ABCC5: variants seen among roughly 807,000 people sequenced by gnomAD.
ABCC5 encodes the protein ATP-binding cassette sub-family C member 5.
ABCC5 carries 61 observed loss-of-function variants against 160.9 expected under a neutral mutation model. The ratio of observed to expected loss-of-function variants is 0.38; its 90% confidence interval spans 0.31 to 0.47. The LOEUF is 0.47. Among genes scored for constraint, ABCC5 ranks in the 20% least tolerant of loss-of-function variants. The probability of loss-of-function intolerance (pLI) is 0.99; values close to 1 mark genes in which losing one functional copy is unlikely to be tolerated. For synonymous variants in ABCC5, 666 were observed against 700.6 expected, an observed-to-expected ratio of 0.95 and a Z score of 0.78; for missense variants, 1,308 against 1,813.3, an observed-to-expected ratio of 0.72 and a Z score of 5.06.
At chr3:183,972,934 C>CCTTCTAACAATCCT (rs1717895150) in intron 10 of ABCC5, among the ~76,000 whole-genome samples, 1 of 152,108 alleles carries the variant, frequency 6.6e-6, no homozygotes, top group Non-Finnish European at 1.5e-5. Flanking sequence ...GCGTGAGCCA[C>CCTTCTAACAATCCT]CGCACCCAGC....
rs1257063970 is a variant in ABCC5, at chr3:183,949,915, T to C, written c.3099-34A>G. 6.8e-6 allele frequency: 11 copies of C among 1,613,940 alleles called. No homozygotes were observed. The highest frequency in any genetic ancestry group is 9.3e-6 in the Non-Finnish European group (11 of 1,179,958). On this transcript the variant is annotated intron_variant, in intron 21 of 29. Coordinates refer to ENST00000334444, the MANE Select transcript of ABCC5 (RefSeq NM_005688.4). This position sits in a 1 kb window ranked among gnomAD's most constrained non-coding sequence, Gnocchi z 4.2. The stretch of plus-strand genomic sequence containing the variant: ...AGAATGAGCTCCGTGTCACAGCACC[T>C]ACCCAGCAACTGAGGCTTCTCCGTG...
At chr3:183,947,290 A>C in intron 23 of ABCC5, 34 bp downstream of exon 23, 1 of 1,549,128 alleles carries the variant, frequency 6.5e-7, no homozygotes, top group Non-Finnish European at 8.7e-7. Flanking sequence ...GGGCTCAAAC[A>C]AGCAAAGATG....
chr3:183,995,380 T>A (rs1720184282), intron 2 of ABCC5, among the ~76,000 whole-genome samples: 1 of 152,200 alleles, frequency 6.6e-6, no homozygotes, highest in Admixed American at 6.5e-5. Context: ...GTCATGAAGA[T>A]TTTCTCCTAT....
rs936619812 is a variant in ABCC5, at chr3:183,987,382, C to T, written c.591+388G>A. 14 of 451,492 alleles carry T rather than the reference C, an allele frequency of 3.1e-5. No individual in the cohort carries two copies. The highest frequency in any genetic ancestry group is 1.2e-4 in the African/African-American group (6 of 51,258). The allele number at this position is 451,492 out of a possible 1,614,324, so 28.0% of individuals were successfully genotyped here. A position where few individuals can be genotyped will look rare whatever the true frequency, so the allele number is the denominator to read the frequency against. ...AACATGTGATAACTGCCTCCAGGCA[C>T]TTGGTATGTTCCCGGTGCTGGCTCA... On this transcript the variant is annotated intron_variant, in intron 5 of 29. Transcript: ENST00000334444. This position sits in a 1 kb window ranked among gnomAD's most constrained non-coding sequence, Gnocchi z 4.2.
At chr3:184,001,259 TA>T in intron 2 of ABCC5, 2 of 529,534 alleles carry the variant, frequency 3.8e-6, no homozygotes, top group Admixed American at 3.0e-5. Context: ...ACTCTAAAAA[TA>T]AAAAGTAAAA....
intron 1 of ABCC5, among the ~76,000 whole-genome samples, chr3:184,015,129 A>C (rs1033049043): frequency 2.0e-5 from 3 of 152,240 alleles, no homozygotes; most frequent in Non-Finnish European, 4.4e-5. Flanking sequence ...TAAAAGAGTG[A>C]ATTTCATGTC....
In ABCC5 at chr3:183,978,553, C is replaced by T. The variant is rs777504843; in HGVS notation, c.1246G>A (p.Val416Met). ...APIVVVIASV[V>M]TFSVHMTLGF... ...AGGGTCATATGAACAGAGAAGGTCA[C>T]CACGCTGGCAATCACCACCACAATG... The change falls in exon 9 of 30, where the codon GTG becomes ATG. Residue 416 changes from valine (V) to methionine (M), a missense_variant. Transcript: ENST00000334444. 3 of 1,614,052 alleles carry T rather than the reference C, an allele frequency of 1.9e-6. No homozygotes were observed. In the Admixed American group the frequency reaches 5.0e-5, roughly 27 times the overall value.
chr3:183,973,793 T>G (rs1717979103), intron 10 of ABCC5, among the ~76,000 whole-genome samples: 1 of 152,220 alleles, frequency 6.6e-6, no homozygotes, highest in Non-Finnish European at 1.5e-5. Flanking sequence ...AAGAGTAACA[T>G]GCCAAACATT....
At chr3:183,974,338 C>T (rs1458703527) in intron 10 of ABCC5, among the ~76,000 whole-genome samples, 1 of 152,142 alleles carries the variant, frequency 6.6e-6, no homozygotes, top group African/African-American at 2.4e-5. Context: ...GACAGGATCT[C>T]ACTCTGTCAC....
At position 183,981,831 on chromosome 3, in the gene ABCC5, A is replaced by G; in HGVS notation, c.1043T>C (p.Val348Ala). ...RLTAYFRRKC[V>A]AATDERVQKM... Reference sequence around the variant, plus strand: ...CTGGACACGTTCATCCGTGGCGGCCACGCATTTTCTCCTGAAATATGCTGT... The same window carrying G: ...CTGGACACGTTCATCCGTGGCGGCCGCGCATTTTCTCCTGAAATATGCTGT... The change falls in exon 8 of 30, where the codon GTG (valine) becomes GCG (alanine). Residue 348 changes from valine to alanine, a missense_variant. Val to Ala is a moderately conservative substitution (Grantham distance 64). Coordinates refer to ENST00000334444, the MANE Select transcript of ABCC5 (RefSeq NM_005688.4). The G allele has an allele frequency of 6.2e-7, 1 of 1,611,230 alleles. No homozygotes were observed. Among genetic ancestry groups the G allele is most frequent in the Non-Finnish European group, 8.5e-7 (1 of 1,179,280 alleles).
chr3:184,016,548 G>A (rs1274548993), intron 1 of ABCC5, among the ~76,000 whole-genome samples: 2 of 152,194 alleles, frequency 1.3e-5, no homozygotes, highest in South Asian at 4.1e-4. Context: ...CCCCAGGCCA[G>A]CCATTTTACT....
chr3:183,989,459 G>C, intron 2 of ABCC5, 76 bp from the exon 3 acceptor site: 1 of 1,483,802 alleles, frequency 6.7e-7, no homozygotes, highest in Non-Finnish European at 9.2e-7. Context: ...TGATGAAACA[G>C]CTCAAACTGC....
rs368115506 is a variant in ABCC5 at position 183,961,675 on chromosome 3, A to G, written c.2236-21T>C. 4.3e-6 allele frequency: 7 copies of G among 1,613,780 alleles called. No individual in the cohort carries two copies. In the African/African-American group the frequency reaches 9.3e-5, roughly 22 times the overall value. ...AGGTACTGAAGGCAAAGGCAGAGACAACACAATATGCTGTTTGTGCAAATA... is the reference window on the plus strand; with the variant it reads ...AGGTACTGAAGGCAAAGGCAGAGACGACACAATATGCTGTTTGTGCAAATA... On this transcript the variant is annotated intron_variant, in intron 15 of 29. Transcript: ENST00000334444.
intron 26 of ABCC5, among the ~76,000 whole-genome samples, chr3:183,931,375 G>A (rs1713170878): frequency 6.8e-6 from 1 of 146,776 alleles, no homozygotes; most frequent in Non-Finnish European, 1.5e-5. Context: ...CACCCAGGCT[G>A]GAGTGCAGTG....
At chr3:183,975,317 C>T (rs1718114927) in intron 10 of ABCC5, among the ~76,000 whole-genome samples, 1 of 152,006 alleles carries the variant, frequency 6.6e-6, no homozygotes, top group Non-Finnish European at 1.5e-5. Context: ...GCTTAGAGTT[C>T]GGGAGGAATT....
chr3:183,945,971 A>G (rs1274204961), intron 23 of ABCC5, 32 bp from the exon 24 acceptor site: 4 of 1,589,496 alleles, frequency 2.5e-6, no homozygotes, highest in Non-Finnish European at 3.5e-6. Context: ...CAAAGAGATA[A>G]TTCATTATCA....
chr3:183,981,860 C>T lies in ABCC5; in HGVS notation c.1014G>A (p.Arg338=). ...LFYPAMMFAS[R]LTAYFRRKCV... is the part of the protein sequence containing the mutation. ...ATTTTCTCCTGAAATATGCTGTGAG[C>T]CGTGATGCAAACATCTGAAAGGAAA... The change falls in exon 8 of 30, where the codon CGG becomes CGA. Residue 338 remains arginine, a synonymous_variant. Transcript: ENST00000334444. 6.3e-7 allele frequency: 1 copy of T among 1,599,540 alleles called. No individual in the cohort carries two copies. Among genetic ancestry groups the T allele is most frequent in the African/African-American group, 1.4e-5 (1 of 74,068 alleles).
chr3:183,979,879 CT>C (rs879432063), intron 8 of ABCC5, among the ~76,000 whole-genome samples: 408 of 143,550 alleles, frequency 2.8e-3, no homozygotes, highest in Middle Eastern at 3.7e-3. Flanking sequence ...CCGGCCAATA[CT>C]TTTTTTTTTT....
chr3:184,007,410 A>C (rs1721315940), intron 2 of ABCC5, among the ~76,000 whole-genome samples: 2 of 152,184 alleles, frequency 1.3e-5, no homozygotes, highest in African/African-American at 4.8e-5. Context: ...TGAGAGCACT[A>C]AGAAAACAAA....
Sources: allele counts gnomAD v4.1 joint callset (sites outside exome capture counted in the v4.1 genomes callset), GRCh38; gene constraint gnomAD v4.1.1; non-coding constraint Gnocchi (gnomAD v3.1); transcripts MANE v1.5; gene names NCBI Gene and HGNC (gene_info 2026-07-23, HGNC 2026-07-21).